Variants in G6PD observed in about 807,000 individuals in gnomAD.
The protein encoded by G6PD is glucose-6-phosphate 1-dehydrogenase.
In G6PD, 2 loss-of-function variants were observed where a neutral mutation model predicts 38.2. The observed-to-expected ratio is 0.05, with a 90% CI of 0.02 to 0.16. The LOEUF (loss-of-function observed/expected upper bound fraction) is 0.16. Among genes scored for constraint, G6PD ranks in the 10% least tolerant of loss-of-function variants. The pLI is 1.00. For missense variants in G6PD, 310 were observed against 471.6 expected (o/e 0.66, Z 3.17); for synonymous variants, 188 against 196.0 (o/e 0.96, Z 0.34).
chrX:154,531,753 T>C lies in G6PD; in HGVS notation c.*247A>G. 2.4e-6 allele frequency: 1 copy of C among 408,556 alleles called. No individual in the cohort carries two copies. Among genetic ancestry groups the C allele is most frequent in the Non-Finnish European group, 4.2e-6 (1 of 236,700 alleles). The allele number at this position is 408,556 out of a possible 1,213,427, so 33.7% of individuals were successfully genotyped here. On this transcript the variant is annotated 3_prime_UTR_variant, in exon 13 of 13. Transcript: ENST00000393562. ...CTTCCTTCTGTTGGGCTGGAGTGAGTGGAGGAGGTGACTCAGCTCCTGGGC... is the reference window on the plus strand; with the variant it reads ...CTTCCTTCTGTTGGGCTGGAGTGAGCGGAGGAGGTGACTCAGCTCCTGGGC...
At chrX:154,541,304 G>A (rs2070497929) in intron 2 of G6PD, 1 of 111,707 alleles carries the variant, frequency 9.0e-6, no homozygotes, top group Admixed American at 9.5e-5. Flanking sequence ...ATTAACTAGA[G>A]ATTGAACCGG....
In G6PD at chrX:154,546,807, G is replaced by A. The variant is rs1443974834; in HGVS notation, c.-27C>T. On this transcript the variant is annotated 5_prime_UTR_variant, in exon 1 of 13. Coordinates refer to ENST00000393562, the MANE Select transcript of G6PD (RefSeq NM_001360016.2). Reference sequence around the variant, plus strand: ...CGGTTACCTGCGCTTCGTCGTCGTCGCCCTCCGCGCTCGCAGCCCCGAAGT... The same window carrying A: ...CGGTTACCTGCGCTTCGTCGTCGTCACCCTCCGCGCTCGCAGCCCCGAAGT... The A allele has an allele frequency of 1.5e-5, 17 of 1,159,714 alleles. No homozygotes were observed. The highest frequency in any genetic ancestry group is 1.8e-5 in the Non-Finnish European group (16 of 871,983).
At chrX:154,546,674 C>T in intron 1 of G6PD, 115 bp downstream of exon 1, 1 of 614,739 alleles carries the variant, frequency 1.6e-6, no homozygotes, top group Non-Finnish European at 2.5e-6. Flanking sequence ...TGGTTAAGAC[C>T]CTCTCGATTC....
chrX:154,532,163 TC>T (rs1569556185), intron 12 of G6PD, 24 bp downstream of exon 12: 2 of 1,203,840 alleles, frequency 1.7e-6, no homozygotes, highest in African/African-American at 3.5e-5. Context: ...CTGGGCTCTG[TC>T]CCCAGCCCCC....
At chrX:154,535,737 G>C (rs1271739234) in intron 4 of G6PD, 200 bp downstream of exon 4, 5 of 473,799 alleles carry the variant, frequency 1.1e-5, no homozygotes, top group Non-Finnish European at 1.5e-5. Context: ...ACGCAGCAGA[G>C]CACAGCAGGA....
intron 2 of G6PD, among the ~76,000 whole-genome samples, chrX:154,540,725 T>C (rs782357965): frequency 6.8e-4 from 74 of 108,717 alleles, no homozygotes; most frequent in African/African-American, 2.4e-3. Context: ...CATTACAGAA[T>C]GGGGGCCATG....
At chrX:154,533,486 C>G in intron 8 of G6PD, 90 bp downstream of exon 8, 1 of 1,110,356 alleles carries the variant, frequency 9.0e-7, no homozygotes, top group Non-Finnish European at 1.2e-6. Flanking sequence ...GTTGAGGACA[C>G]CTGCTCTGCA....
intron 11 of G6PD, 34 bp from the exon 12 acceptor site, chrX:154,532,314 G>A (rs370320795): frequency 5.0e-5 from 61 of 1,208,259 alleles, no homozygotes; most frequent in Non-Finnish European, 6.6e-5. Flanking sequence ...GGAGGCCGGT[G>A]GCACACAGGG....
chrX:154,537,530 G>A (rs998320667), intron 2 of G6PD, among the ~76,000 whole-genome samples: 24 of 109,239 alleles, frequency 2.2e-4, no homozygotes, highest in East Asian at 8.7e-4. Context: ...CAGGAGAATC[G>A]CTTGAACCTG....
Position 154,531,616 on chromosome X carries a change from G to A in G6PD, c.*384C>T, listed in dbSNP as rs1002971500. The A allele has an allele frequency of 3.2e-5, 8 of 252,499 alleles. No individual in the cohort carries two copies. The highest frequency in any genetic ancestry group is 2.7e-4 in the South Asian group (4 of 14,657). 20.8% of individuals were successfully genotyped at this position (252,499 alleles called of 1,213,427 possible). A position where few individuals can be genotyped will look rare whatever the true frequency, so the allele number is the denominator to read the frequency against. On this transcript the variant is annotated 3_prime_UTR_variant, in exon 13 of 13. Coordinates refer to ENST00000393562, the MANE Select transcript of G6PD (RefSeq NM_001360016.2). ...CAAGGCCACAGGCAGATTCTCTCACGTGGGTGCTCGCCCCTTTCCTCCCCC... is the reference window on the plus strand; with the variant it reads ...CAAGGCCACAGGCAGATTCTCTCACATGGGTGCTCGCCCCTTTCCTCCCCC...
chrX:154,546,939 G>A, upstream of G6PD: 1 of 479,248 alleles, frequency 2.1e-6, no homozygotes, highest in Non-Finnish European at 2.9e-6. Context: ...GTGCGGGGCG[G>A]GGCCTCGGCC....
chrX:154,540,668 C>T (rs372710912), intron 2 of G6PD, among the ~76,000 whole-genome samples: 27 of 105,125 alleles, frequency 2.6e-4, no homozygotes, highest in African/African-American at 9.2e-4. Flanking sequence ...ACATGCTCTT[C>T]GAAGCAATCA....
chrX:154,534,595 C>T, intron 5 of G6PD, 99 bp from the exon 6 acceptor site: 2 of 1,034,055 alleles, frequency 1.9e-6, no homozygotes, highest in Non-Finnish European at 2.6e-6. Flanking sequence ...GGAGTAGAGG[C>T]CAGAACCTCC....
intron 8 of G6PD, 26 bp from the exon 9 acceptor site, chrX:154,533,154 G>A: frequency 1.7e-6 from 2 of 1,196,160 alleles, no homozygotes; most frequent in African/African-American, 1.7e-5. Flanking sequence ...GGGAGAGAAT[G>A]GGCTCCTTGG....
chrX:154,534,967 G>A (rs1557230498), intron 5 of G6PD: 20 of 470,165 alleles, frequency 4.3e-5, no homozygotes, highest in East Asian at 7.4e-5. Flanking sequence ...GCCACCCTGC[G>A]GCCTGGCCGG....
rs1371282363 is a variant in G6PD, at chrX:154,534,127, G to A, written c.678C>T (p.Asn226=). 1 of 1,210,553 alleles carries A rather than the reference G, an allele frequency of 8.3e-7. No individual in the cohort carries two copies. Among genetic ancestry groups the A allele is most frequent in the Non-Finnish European group, 1.1e-6 (1 of 895,258 alleles). Residue 226 remains asparagine (N), a synonymous_variant, in exon 7 of 13, where the codon AAC becomes AAT. Transcript: ENST00000393562. ...GGATAACGCAGGCGATGTTGTCCCG[G>A]TTCCAGATGGGGCCGAAGATCCTGT... The part of the protein sequence containing the change: ...FANRIFGPIW[N]RDNIACVILT...
chrX:154,534,458 C>G lies in G6PD; in HGVS notation c.524G>C (p.Arg175Thr). 15 of 1,211,806 alleles carry G rather than the reference C, an allele frequency of 1.2e-5. No homozygotes were observed. The highest frequency in any genetic ancestry group is 1.7e-5 in the Non-Finnish European group (15 of 895,397). ...CAGCCGGTCAGAGCTCTGCAGGTCC[C>G]TCCCGAAGGGCTTCTCCACGATGAT... is the stretch of plus-strand genomic sequence containing the variant. ...NRIIVEKPFG[R>T]DLQSSDRLSN... The change falls in exon 6 of 13, where the codon AGG becomes ACG. Residue 175 changes from arginine to threonine, a missense_variant. This residue lies in a region of G6PD where 96 missense variants were observed against 93.3 expected (regional missense o/e 1.03). Transcript: ENST00000393562.
At chrX:154,535,407 A>G (rs2070396528) in intron 4 of G6PD, 22 bp from the exon 5 acceptor site, 2 of 1,161,367 alleles carry the variant, frequency 1.7e-6, no homozygotes, top group East Asian at 3.0e-5. Flanking sequence ...GGACAGACAG[A>G]CACACAGACA....
At chrX:154,547,552 C>T (rs1468534177), upstream of G6PD, 2 of 755,046 alleles carry the variant, frequency 2.6e-6, no homozygotes, top group Non-Finnish European at 3.1e-6. Flanking sequence ...TCACACTTCT[C>T]GCCGGCTTCC....
Sources: allele counts gnomAD v4.1 joint callset (sites outside exome capture counted in the v4.1 genomes callset), GRCh38; gene constraint gnomAD v4.1.1; regional missense constraint gnomAD v4.1.1; transcripts MANE v1.5; gene names NCBI Gene and HGNC (gene_info 2026-07-23, HGNC 2026-07-21).